The following CEMIP2 variants were observed in gnomAD, a reference collection of about 807,000 sequenced individuals.
The protein encoded by CEMIP2 is cell migration inducing hyaluronidase 2.
CEMIP2 carries 79 observed loss-of-function variants against 146.9 expected under a neutral mutation model. The observed-to-expected ratio is 0.54, with a 90% confidence interval of 0.45 to 0.65. The LOEUF (loss-of-function observed/expected upper bound fraction) is 0.65, where lower values mean the gene tolerates loss of function less well. CEMIP2 is among the 30% of genes least tolerant of loss of function. The pLI, the probability that CEMIP2 is intolerant of heterozygous loss-of-function variation, is 0.00. For missense variants in CEMIP2, 1,596 were observed against 1,696.2 expected, an observed-to-expected ratio of 0.94 and a Z score of 1.04; for synonymous variants, 601 against 606.3, an observed-to-expected ratio of 0.99 and a Z score of 0.13.
intron 17 of CEMIP2, among the ~76,000 whole-genome samples, chr9:71,707,278 T>C (rs943685349): frequency 6.6e-6 from 1 of 152,192 alleles, no homozygotes; most frequent in South Asian, 2.1e-4. Context: ...TCCTTTCTTC[T>C]TTATTCTACT....
At chr9:71,747,240 G>A (rs554646156) in intron 2 of CEMIP2, among the ~76,000 whole-genome samples, 5 of 152,250 alleles carry the variant, frequency 3.3e-5, no homozygotes, top group African/African-American at 1.2e-4. Flanking sequence ...TATCCACTCT[G>A]TACCAGATAT....
At chr9:71,737,166 A>AT (rs1222083774) in intron 5 of CEMIP2, among the ~76,000 whole-genome samples, 2 of 132,534 alleles carry the variant, frequency 1.5e-5, no homozygotes, top group Non-Finnish European at 3.5e-5. Flanking sequence ...AAAAAAAAAA[A>AT]AAAAAAAGAA....
At chr9:71,743,319 T>A (rs1823977293) in intron 4 of CEMIP2, among the ~76,000 whole-genome samples, 1 of 152,208 alleles carries the variant, frequency 6.6e-6, no homozygotes, top group African/African-American at 2.4e-5. Flanking sequence ...GCTGGCAATG[T>A]CCTATTTCTT....
intron 1 of CEMIP2, among the ~76,000 whole-genome samples, chr9:71,766,400 T>G (rs1786991458): frequency 6.6e-6 from 1 of 152,192 alleles, no homozygotes; most frequent in Admixed American, 6.5e-5. Flanking sequence ...AAAATGTGGC[T>G]TGTCTTTCTC....
rs776613627 is a variant in CEMIP2, at chr9:71,725,729, C to T, written c.2050-20G>A. ...AGCATCCTACAAATGAAAGGACAAG[C>T]CCATTAAAAGCCTAATTTATACAGA... On this transcript the variant is annotated intron_variant, in intron 10 of 23. Transcript: ENST00000377044. The T allele has an allele frequency of 6.2e-7, 1 of 1,607,814 alleles. No homozygotes were observed. The highest frequency in any genetic ancestry group is 1.1e-5 in the South Asian group (1 of 90,086).
intron 1 of CEMIP2, among the ~76,000 whole-genome samples, chr9:71,758,788 T>C (rs914984917): frequency 1.3e-5 from 2 of 152,206 alleles, no homozygotes; most frequent in Non-Finnish European, 1.5e-5. Context: ...TCTCAAAATA[T>C]GTCAAAGAAA....
At chr9:71,737,693 T>C (rs1442391819) in intron 5 of CEMIP2, among the ~76,000 whole-genome samples, 2 of 152,158 alleles carry the variant, frequency 1.3e-5, no homozygotes, top group African/African-American at 4.8e-5. Flanking sequence ...CAGATAAAAC[T>C]TAACCTGGGC....
chr9:71,737,155 CAAAAAAAAAAAAA>C (rs34623620), intron 5 of CEMIP2, among the ~76,000 whole-genome samples: 4 of 107,076 alleles, frequency 3.7e-5, no homozygotes, highest in African/African-American at 1.1e-4. Flanking sequence ...AGATCTTTCT[CAAAAAAAAAAAAA>C]AAAAAGAAAG....
At chr9:71,751,458 T>A (rs1310549086) in intron 1 of CEMIP2, among the ~76,000 whole-genome samples, 3 of 152,160 alleles carry the variant, frequency 2.0e-5, no homozygotes, top group Admixed American at 2.0e-4. Context: ...AGGATTGCTG[T>A]CCCTGGGATC....
chr9:71,742,203 CT>C (rs1370882903), intron 4 of CEMIP2, among the ~76,000 whole-genome samples: 1 of 152,194 alleles, frequency 6.6e-6, no homozygotes, highest in Non-Finnish European at 1.5e-5. Flanking sequence ...ACAGCCGCCC[CT>C]GTATGGATTA....
intron 18 of CEMIP2, 70 bp from the exon 19 acceptor site, chr9:71,700,894 C>A: frequency 7.3e-7 from 1 of 1,365,072 alleles, no homozygotes; most frequent in Non-Finnish European, 9.8e-7. Context: ...ATAGCGTATG[C>A]AGATAACTGT....
At chr9:71,709,592 G>C (rs1461817252) in intron 16 of CEMIP2, 118 bp from the exon 17 acceptor site, 2 of 806,276 alleles carry the variant, frequency 2.5e-6, no homozygotes, top group African/African-American at 3.4e-5. Context: ...GCAGTTCTGA[G>C]TTACAGTTCA....
chr9:71,730,091 T>C lies in CEMIP2; in HGVS notation c.1936A>G (p.Lys646Glu), dbSNP rs1179402016. Residue 646 changes from lysine to glutamate, a missense_variant, in exon 9 of 24, where the codon AAA becomes GAA. Coordinates refer to ENST00000377044, the MANE Select transcript of CEMIP2 (RefSeq NM_013390.3). Reference sequence around the variant, plus strand: ...ACAGGAATGTAATTTCCAAACACTTTATCTCGCATGGTGGTACACATGGAG... The same window carrying C: ...ACAGGAATGTAATTTCCAAACACTTCATCTCGCATGGTGGTACACATGGAG... ...NNSMCTTMRDKVFGNYIPVPA... is the reference protein window; with the variant it reads ...NNSMCTTMRDEVFGNYIPVPA... The C allele has an allele frequency of 6.2e-7, 1 of 1,614,160 alleles. No individual in the cohort carries two copies. The highest frequency in any genetic ancestry group is 8.5e-7 in the Non-Finnish European group (1 of 1,180,034).
chr9:71,722,909 G>A (rs1823278732), intron 11 of CEMIP2, among the ~76,000 whole-genome samples: 2 of 152,070 alleles, frequency 1.3e-5, no homozygotes, highest in Admixed American at 6.6e-5. Context: ...AAGGGCATCT[G>A]GAGAGGCCTT....
At chr9:71,718,672 G>A (rs890650495) in intron 12 of CEMIP2, among the ~76,000 whole-genome samples, 3 of 152,198 alleles carry the variant, frequency 2.0e-5, no homozygotes, top group South Asian at 4.1e-4. Flanking sequence ...TGCTTCCCGG[G>A]TTCAAGCATT....
intron 18 of CEMIP2, 65 bp from the exon 19 acceptor site, chr9:71,700,889 G>T: frequency 7.1e-7 from 1 of 1,402,794 alleles, no homozygotes; most frequent in Non-Finnish European, 9.6e-7. Context: ...GTACTATAGC[G>T]TATGCAGATA....
intron 1 of CEMIP2, among the ~76,000 whole-genome samples, chr9:71,755,905 C>T (rs1238531981): frequency 8.3e-6 from 1 of 120,206 alleles, no homozygotes; most frequent in Non-Finnish European, 1.6e-5. Context: ...AAGGCTGCAA[C>T]AAACTGACTG....
chr9:71,723,157 AC>A (rs1053625116), intron 11 of CEMIP2, among the ~76,000 whole-genome samples: 1 of 143,786 alleles, frequency 7.0e-6, no homozygotes, highest in Non-Finnish European at 1.6e-5. Context: ...AAAAAACAAA[AC>A]CATGATGGAC....
intron 2 of CEMIP2, among the ~76,000 whole-genome samples, chr9:71,748,729 C>G (rs1164902390): frequency 6.6e-6 from 1 of 152,164 alleles, no homozygotes; most frequent in East Asian, 1.9e-4. Context: ...ATAATGTGGT[C>G]TACTTGTTTG....
Sources: allele counts gnomAD v4.1 joint callset (sites outside exome capture counted in the v4.1 genomes callset), GRCh38; gene constraint gnomAD v4.1.1; transcripts MANE v1.5; gene names NCBI Gene and HGNC (gene_info 2026-07-23, HGNC 2026-07-21).